TIAM1: variants seen among roughly 807,000 people sequenced by gnomAD.
TIAM1 encodes rho guanine nucleotide exchange factor TIAM1.
A neutral mutation model predicts 163.5 loss-of-function variants in TIAM1; 65 were observed. That is an observed-to-expected ratio of 0.40 (90% CI 0.33 to 0.49). The LOEUF (loss-of-function observed/expected upper bound fraction) is 0.49, where lower values mean the gene tolerates loss of function less well. Ranked by LOEUF, TIAM1 falls within the 20% of genes least tolerant of loss-of-function variation. The probability of loss-of-function intolerance (pLI) is 0.77; values close to 1 mark genes in which losing one functional copy is unlikely to be tolerated. For missense variants in TIAM1, 1,789 were observed against 2,044.7 expected, an observed-to-expected ratio of 0.87 and a Z score of 2.41; for synonymous variants, 833 against 810.1, an observed-to-expected ratio of 1.03 and a Z score of -0.48.
intron 2 of TIAM1, among the ~76,000 whole-genome samples, chr21:31,440,671 A>G (rs964832934): frequency 3.9e-5 from 6 of 152,142 alleles, no homozygotes; most frequent in Non-Finnish European, 7.3e-5. Context: ...TCATGAGGTC[A>G]GAGCATCGAG....
chr21:31,140,829 T>C (rs1369610868), intron 22 of TIAM1, among the ~76,000 whole-genome samples: 1 of 152,192 alleles, frequency 6.6e-6, no homozygotes, highest in African/African-American at 2.4e-5. Context: ...CAGCCCAGAT[T>C]GTGGTAATGG....
chr21:31,336,664 G>A (rs929678734), intron 2 of TIAM1, among the ~76,000 whole-genome samples: 1 of 152,016 alleles, frequency 6.6e-6, no homozygotes, highest in Non-Finnish European at 1.5e-5. Flanking sequence ...AGGTCTCAGG[G>A]ACTCATGATC....
chr21:31,372,540 G>C (rs1327935619), intron 2 of TIAM1, among the ~76,000 whole-genome samples: 1 of 152,160 alleles, frequency 6.6e-6, no homozygotes, highest in Non-Finnish European at 1.5e-5. Context: ...GGCAAGAGAG[G>C]GCCAAAGTTG....
chr21:31,503,667 A>G (rs8133148), intron 1 of TIAM1, among the ~76,000 whole-genome samples: 134,361 of 134,362 alleles, frequency 1, 67,180 homozygotes, highest in Non-Finnish European at 1. Context: ...ACAAAACCAA[A>G]ACGGCAGGCT....
intron 1 of TIAM1, among the ~76,000 whole-genome samples, chr21:31,494,879 C>T (rs2046589300): frequency 6.6e-6 from 1 of 152,168 alleles, no homozygotes; most frequent in South Asian, 2.1e-4. Flanking sequence ...GAAATGTATA[C>T]CCACCTAACT....
At chr21:31,314,259 TTTTACTATCACAG>T (rs2075030585) in intron 2 of TIAM1, among the ~76,000 whole-genome samples, 1 of 152,118 alleles carries the variant, frequency 6.6e-6, no homozygotes, top group Non-Finnish European at 1.5e-5. Context: ...TTTTTTTAAG[TTTTACTATCACAG>T]AAAATCAGAA....
At chr21:31,367,767 C>T (rs1282023027) in intron 2 of TIAM1, among the ~76,000 whole-genome samples, 3 of 152,172 alleles carry the variant, frequency 2.0e-5, no homozygotes, top group African/African-American at 4.8e-5. Flanking sequence ...CATTCCTATT[C>T]GTTACCTATT....
At chr21:31,324,767 G>A (rs1315445807) in intron 2 of TIAM1, among the ~76,000 whole-genome samples, 1 of 152,154 alleles carries the variant, frequency 6.6e-6, no homozygotes, top group African/African-American at 2.4e-5. Flanking sequence ...ATTCAGGCTG[G>A]AGACAAAGAT....
At chr21:31,198,774 C>T (rs771796848) in intron 12 of TIAM1, among the ~76,000 whole-genome samples, 1 of 152,178 alleles carries the variant, frequency 6.6e-6, no homozygotes, top group African/African-American at 2.4e-5. Context: ...CATAATACTA[C>T]TTCCTAGTTT....
intron 2 of TIAM1, among the ~76,000 whole-genome samples, chr21:31,381,061 G>A (rs1227320770): frequency 2.0e-5 from 3 of 152,138 alleles, no homozygotes; most frequent in Admixed American, 2.0e-4. Flanking sequence ...ACAAAACCAA[G>A]TACTTGTGTG....
At chr21:31,438,097 C>CT (rs992287112) in intron 2 of TIAM1, among the ~76,000 whole-genome samples, 3 of 151,716 alleles carry the variant, frequency 2.0e-5, no homozygotes, top group African/African-American at 7.3e-5. Context: ...TTACTAACCC[C>CT]TTAAGCACAA....
chr21:31,340,325 G>A (rs538857762), intron 1 of TIAM1, among the ~76,000 whole-genome samples: 113 of 151,996 alleles, frequency 7.4e-4, no homozygotes, highest in African/African-American at 2.5e-3. Flanking sequence ...TTCCCTTGTC[G>A]GGGAATATTA....
chr21:31,451,010 C>G, intron 2 of TIAM1, among the ~76,000 whole-genome samples: 1 of 151,646 alleles, frequency 6.6e-6, no homozygotes, highest in Non-Finnish European at 1.5e-5. Context: ...CATTAAGCAG[C>G]TCCTAATCCA....
intron 1 of TIAM1, among the ~76,000 whole-genome samples, chr21:31,556,889 T>C (rs138454623): frequency 6.6e-6 from 1 of 152,324 alleles, no homozygotes; most frequent in Non-Finnish European, 1.5e-5. Flanking sequence ...CAAAAAAGCA[T>C]ATGCTGGAAA....
chr21:31,455,100 G>A (rs1313895337), intron 2 of TIAM1, among the ~76,000 whole-genome samples: 2 of 151,870 alleles, frequency 1.3e-5, no homozygotes, highest in Non-Finnish European at 2.9e-5. Flanking sequence ...GACCAACGTG[G>A]AGAAACCCGT....
chr21:31,441,100 T>C (rs765427980), intron 2 of TIAM1, among the ~76,000 whole-genome samples: 6 of 152,198 alleles, frequency 3.9e-5, no homozygotes, highest in Non-Finnish European at 8.8e-5. Flanking sequence ...CAGGTCACCA[T>C]GCTTTTATGA....
intron 25 of TIAM1, 134 bp downstream of exon 25, chr21:31,130,079 A>C: frequency 3.0e-6 from 2 of 663,404 alleles, no homozygotes; most frequent in East Asian, 2.5e-5. Context: ...CCGAGAGACA[A>C]GAGAGTTAAG....
intron 9 of TIAM1, among the ~76,000 whole-genome samples, chr21:31,215,605 T>C (rs961081567): frequency 1.3e-5 from 2 of 150,402 alleles, no homozygotes; most frequent in African/African-American, 2.5e-5. Flanking sequence ...GAAATGCTGA[T>C]GGTTCATGTC....
chr21:31,228,922 A>T (rs1348907746), intron 6 of TIAM1, among the ~76,000 whole-genome samples: 1 of 152,160 alleles, frequency 6.6e-6, no homozygotes, highest in African/African-American at 2.4e-5. Context: ...CAGGGGGGAA[A>T]GCCCCTTATA....
Sources: gnomAD v4.1 joint callset for allele counts (sites outside exome capture counted in the v4.1 genomes callset) on GRCh38, gnomAD v4.1.1 for gene constraint, MANE v1.5 for transcripts, NCBI Gene and HGNC (gene_info 2026-07-23, HGNC 2026-07-21) for gene names.